Variants in RAB3C observed in about 807,000 individuals in gnomAD.
RAB3C encodes RAB3C, member RAS oncogene family.
In RAB3C, 17 loss-of-function variants were observed where a neutral mutation model predicts 26.4. That is an observed-to-expected ratio of 0.64 (90% CI 0.44 to 0.97). RAB3C has a LOEUF of 0.97. Among genes scored for constraint, RAB3C ranks in the 50% least tolerant of loss-of-function variants. The pLI is 0.00. For synonymous variants in RAB3C, 91 were observed against 95.9 expected (o/e 0.95, Z 0.30); for missense variants, 242 against 281.9 (o/e 0.86, Z 1.01).
chr5:58,800,068 T>G (rs914562200), intron 3 of RAB3C, among the ~76,000 whole-genome samples: 22 of 152,248 alleles, frequency 1.4e-4, no homozygotes, highest in Non-Finnish European at 2.9e-4. Flanking sequence ...GTGCTCCACG[T>G]CCATGAATTT....
intron 3 of RAB3C, among the ~76,000 whole-genome samples, chr5:58,760,027 C>T (rs1457208300): frequency 3.9e-5 from 6 of 152,210 alleles, no homozygotes; most frequent in African/African-American, 1.2e-4. Context: ...TCCTTCCTCT[C>T]CTGTCTCCCT....
intron 2 of RAB3C, among the ~76,000 whole-genome samples, chr5:58,722,639 C>T (rs944112603): frequency 3.3e-5 from 5 of 151,684 alleles, no homozygotes; most frequent in African/African-American, 1.2e-4. Context: ...TCATTTTAAA[C>T]AGTCTTTTGA....
chr5:58,636,856 C>T (rs558321241), intron 2 of RAB3C, among the ~76,000 whole-genome samples: 16 of 152,160 alleles, frequency 1.1e-4, no homozygotes, highest in Non-Finnish European at 2.1e-4. Flanking sequence ...CAAGGCCTTT[C>T]ATATGTGTCC....
rs1173401450 is a variant in RAB3C at position 58,693,347 on chromosome 5, T to TATATATATATATATATATATATACAC, written c.253-32640_253-32639insTATATATACACATATATATATATATA. Among the ~76,000 whole-genome samples, 79 of 137,822 alleles carry TATATATATATATATATATATATACAC rather than the reference T, an allele frequency of 5.7e-4. 1 individual carries two copies. Among genetic ancestry groups the TATATATATATATATATATATATACAC allele is most frequent in the African/African-American group, 2.3e-3 (77 of 33,700 alleles). 90.4% of individuals were successfully genotyped at this position (137,822 alleles called of 152,430 possible). On this transcript the variant is annotated intron_variant, in intron 2 of 4. Transcript: ENST00000282878. ...TTATATATATATGTGTATATATATATATATATATATATATAAAATTTCTTA... is the reference window on the plus strand; with the variant it reads ...TTATATATATATGTGTATATATATATATATATATATATATATATATATACACATATATATATATATAAAATTTCTTA...
intron 3 of RAB3C, among the ~76,000 whole-genome samples, chr5:58,732,084 AT>A (rs554030351): frequency 1.6e-5 from 2 of 121,938 alleles, no homozygotes; most frequent in African/African-American, 5.5e-5. Flanking sequence ...TTATTTATTT[AT>A]TTTTTTCTGT....
intron 1 of RAB3C, among the ~76,000 whole-genome samples, chr5:58,595,908 T>C (rs972172316): frequency 2.6e-5 from 4 of 152,160 alleles, no homozygotes; most frequent in Non-Finnish European, 4.4e-5. Context: ...CCTTCATTTT[T>C]ACAAATTGAC....
At chr5:58,734,413 G>A (rs1741091034) in intron 3 of RAB3C, among the ~76,000 whole-genome samples, 1 of 152,068 alleles carries the variant, frequency 6.6e-6, no homozygotes, top group Non-Finnish European at 1.5e-5. Context: ...GGGGGCAGTG[G>A]TGGGATGAGA....
At chr5:58,763,545 C>T (rs1182091457) in intron 3 of RAB3C, among the ~76,000 whole-genome samples, 1 of 152,130 alleles carries the variant, frequency 6.6e-6, no homozygotes, top group Non-Finnish European at 1.5e-5. Context: ...GAGGCAGTCT[C>T]CTCACCTGCT....
intron 1 of RAB3C, among the ~76,000 whole-genome samples, chr5:58,588,819 A>C (rs922959084): frequency 6.6e-6 from 1 of 152,162 alleles, no homozygotes; most frequent in East Asian, 1.9e-4. Context: ...TTAAGATTCC[A>C]TAAGAATTTC....
At chr5:58,769,265 C>G (rs1741976766) in intron 3 of RAB3C, among the ~76,000 whole-genome samples, 1 of 151,700 alleles carries the variant, frequency 6.6e-6, no homozygotes, top group Non-Finnish European at 1.5e-5. Flanking sequence ...CATTGGATGT[C>G]CAAGCAGATA....
chr5:58,696,529 C>T (rs576120630), intron 2 of RAB3C, among the ~76,000 whole-genome samples: 1 of 152,242 alleles, frequency 6.6e-6, no homozygotes, highest in South Asian at 2.1e-4. Flanking sequence ...TGGTAGAATT[C>T]AGCTGTGAAT....
intron 3 of RAB3C, 22 bp from the exon 4 acceptor site, chr5:58,825,016 A>G (rs1743440896): frequency 1.3e-6 from 2 of 1,569,618 alleles, no homozygotes; most frequent in Non-Finnish European, 1.7e-6. Context: ...TGATTGTGTC[A>G]TGCTTCTTCT....
chr5:58,803,308 C>G (rs923442840), intron 3 of RAB3C, among the ~76,000 whole-genome samples: 1 of 152,122 alleles, frequency 6.6e-6, no homozygotes, highest in African/African-American at 2.4e-5. Context: ...ATTTGCTGCA[C>G]TAGGCTAAAA....
chr5:58,847,275 CT>C (rs1744025552), intron 4 of RAB3C, among the ~76,000 whole-genome samples: 2 of 152,170 alleles, frequency 1.3e-5, no homozygotes, highest in African/African-American at 4.8e-5. Flanking sequence ...ATCAGGAGGT[CT>C]TTGTCAGACT....
At chr5:58,754,539 T>C (rs6872188) in intron 3 of RAB3C, among the ~76,000 whole-genome samples, 3,098 of 152,206 alleles carry the variant, frequency 0.02, 101 homozygotes, top group African/African-American at 0.071. Context: ...GAGGTAACTT[T>C]TGCCTTTGGG....
Position 58,858,953 on chromosome 5 carries a change from ATGTG to A in RAB3C, c.*7604_*7607del, listed in dbSNP as rs1354367728. 6.6e-6 allele frequency: 1 copy of A among 152,212 alleles called. No homozygotes were observed. Among genetic ancestry groups the A allele is most frequent in the Non-Finnish European group, 1.5e-5 (1 of 68,022 alleles). 9.4% of individuals were successfully genotyped at this position (152,212 alleles called of 1,614,324 possible). On this transcript the variant is annotated 3_prime_UTR_variant, in exon 5 of 5. Transcript: ENST00000282878. ...TGTCCGACCTAATGCCACCTGGCAG[ATGTG>A]TACCCAGAGATTTTTCTGTAGCTCC...
At chr5:58,694,249 G>A (rs1004378536) in intron 2 of RAB3C, among the ~76,000 whole-genome samples, 1 of 152,090 alleles carries the variant, frequency 6.6e-6, no homozygotes, top group African/African-American at 2.4e-5. Flanking sequence ...CCATGTCCCT[G>A]CAAAGGACAT....
intron 2 of RAB3C, among the ~76,000 whole-genome samples, chr5:58,692,756 T>G (rs1748597087): frequency 6.6e-6 from 1 of 152,142 alleles, no homozygotes; most frequent in African/African-American, 2.4e-5. Flanking sequence ...ATAAAGTATT[T>G]AGACAATGGT....
intron 2 of RAB3C, among the ~76,000 whole-genome samples, chr5:58,642,546 T>G (rs1747432025): frequency 6.6e-6 from 1 of 152,216 alleles, no homozygotes; most frequent in African/African-American, 2.4e-5. Flanking sequence ...ACAGTAATAA[T>G]AGATAGTGCT....
Sources: allele counts gnomAD v4.1 joint callset (sites outside exome capture counted in the v4.1 genomes callset), GRCh38; gene constraint gnomAD v4.1.1; transcripts MANE v1.5; gene names NCBI Gene and HGNC (gene_info 2026-07-23, HGNC 2026-07-21).